The following TRIM72 variants were observed in gnomAD, a reference collection of about 807,000 sequenced individuals.
TRIM72 encodes tripartite motif containing 72, also known as tripartite motif-containing protein 72.
Under a neutral mutation model 31.6 loss-of-function variants are expected in TRIM72, and 33 were observed. The ratio of observed to expected loss-of-function variants is 1.04; its 90% CI spans 0.79 to 1.40. The LOEUF (loss-of-function observed/expected upper bound fraction) is 1.40, where lower values mean the gene tolerates loss of function less well. Among genes scored for constraint, TRIM72 ranks in the 40% most tolerant of loss-of-function variants. The pLI is 0.00. For missense variants in TRIM72, 666 were observed against 682.7 expected (o/e 0.98, Z 0.27); for synonymous variants, 301 against 314.4 (o/e 0.96, Z 0.45).
chr16:31,225,011 T>A lies in TRIM72; in HGVS notation c.*256T>A. Reference sequence around the variant, plus strand: ...TTCAAGACCAGCCTGGCCAACATGGTGAAACTCCTCTCTACTGAAAATACA... The same window carrying A: ...TTCAAGACCAGCCTGGCCAACATGGAGAAACTCCTCTCTACTGAAAATACA... On this transcript the variant is annotated 3_prime_UTR_variant, in exon 7 of 7. Coordinates refer to ENST00000322122, the MANE Select transcript of TRIM72 (RefSeq NM_001008274.4). 1 of 333,654 alleles carries A rather than the reference T, an allele frequency of 3.0e-6. No homozygotes were observed. Among genetic ancestry groups the A allele is most frequent in the Non-Finnish European group, 5.4e-6 (1 of 183,960 alleles). The allele number at this position is 333,654 out of a possible 1,614,324, so 20.7% of individuals were successfully genotyped here.
chr16:31,223,007 AC>A (rs1033923293), intron 6 of TRIM72, 62 bp downstream of exon 6: 2 of 1,347,134 alleles, frequency 1.5e-6, no homozygotes, highest in Non-Finnish European at 2.1e-6. Flanking sequence ...GGCCCTAGCC[AC>A]CCTGGAGAGG....
At chr16:31,217,968 C>A (rs535770225) in intron 2 of TRIM72, among the ~76,000 whole-genome samples, 1 of 152,290 alleles carries the variant, frequency 6.6e-6, no homozygotes, top group Admixed American at 6.5e-5. Context: ...CATGTGTGTA[C>A]AGGCAGGCTG....
At position 31,227,688 on chromosome 16, in the gene TRIM72, G is replaced by A. The variant is rs2079558884; in HGVS notation, c.*2933G>A. Reference sequence around the variant, plus strand: ...TCTGTCGCACAGGCTGGAGTGCAATGGTGTGATTGTGGCTCACTGCAGCCT... The same window carrying A: ...TCTGTCGCACAGGCTGGAGTGCAATAGTGTGATTGTGGCTCACTGCAGCCT... On this transcript the variant is annotated 3_prime_UTR_variant, in exon 7 of 7. Coordinates refer to ENST00000322122, the MANE Select transcript of TRIM72 (RefSeq NM_001008274.4). 2 of 152,178 alleles carry A rather than the reference G, an allele frequency of 1.3e-5. No homozygotes were observed. Among genetic ancestry groups the A allele is most frequent in the South Asian group, 4.1e-4 (2 of 4,858 alleles). 9.4% of individuals were successfully genotyped at this position (152,178 alleles called of 1,614,324 possible). A position where few individuals can be genotyped will look rare whatever the true frequency, so the allele number is the denominator to read the frequency against.
In TRIM72 at chr16:31,214,805, G is replaced by A. The variant is rs1412150352; in HGVS notation, c.67G>A (p.Ala23Thr). The A allele has an allele frequency of 3.8e-6, 6 of 1,577,984 alleles. No homozygotes were observed. The highest frequency in any genetic ancestry group is 4.7e-5 in the East Asian group (2 of 42,826). ...CCCGCTGTGCCTGCAGCTGTTCGACGCGCCCGTGACAGCCGAGTGCGGCCA... is the reference window on the plus strand; with the variant it reads ...CCCGCTGTGCCTGCAGCTGTTCGACACGCCCGTGACAGCCGAGTGCGGCCA... ...SCPLCLQLFD[A>T]PVTAECGHSF... Residue 23 changes from alanine (A) to threonine (T), a missense_variant, in exon 2 of 7, where the codon GCG (alanine) becomes ACG (threonine). Coordinates refer to ENST00000322122, the MANE Select transcript of TRIM72 (RefSeq NM_001008274.4).
In TRIM72 at chr16:31,216,634, G is replaced by A; in HGVS notation, c.390+1506G>A. 1 of 1,206,852 alleles carries A rather than the reference G, an allele frequency of 8.3e-7. No individual in the cohort carries two copies. Among genetic ancestry groups the A allele is most frequent in the Middle Eastern group, 3.0e-4 (1 of 3,386 alleles). 74.8% of individuals were successfully genotyped at this position (1,206,852 alleles called of 1,614,324 possible). A position where few individuals can be genotyped will look rare whatever the true frequency, so the allele number is the denominator to read the frequency against. On this transcript the variant is annotated intron_variant, in intron 2 of 6. Transcript: ENST00000322122. The surrounding 1 kb of genome is among the most constrained non-coding windows in gnomAD (Gnocchi z 6.7). ...CGGGAGGGGCTGGCCGGAGGTCTGA[G>A]GGAGGACCCCAGGAGGGACCCTGAA...
rs1215567314 is a variant in TRIM72, at chr16:31,224,647, C to G, written c.1326C>G (p.His442Gln). 6 of 1,547,604 alleles carry G rather than the reference C, an allele frequency of 3.9e-6. No individual in the cohort carries two copies. Among genetic ancestry groups the G allele is most frequent in the Non-Finnish European group, 1.7e-6 (2 of 1,153,194 alleles). The change falls in exon 7 of 7, where the codon CAC becomes CAG. Residue 442 changes from histidine to glutamine, a missense_variant. Transcript: ENST00000322122. The part of the protein sequence containing the change: ...ADALVPLFAF[H>Q]ERLPRPVYPF... The stretch of plus-strand genomic sequence containing the variant: ...CGCTCGTGCCGCTTTTTGCCTTCCA[C>G]GAGCGCCTGCCCAGGCCCGTGTACC...
rs1377087938 is a variant in TRIM72 at position 31,215,288 on chromosome 16, T to G, written c.390+160T>G. Among the ~76,000 whole-genome samples the G allele has an allele frequency of 1.3e-5, 2 of 151,460 alleles. No individual in the cohort carries two copies. The highest frequency in any genetic ancestry group is 2.0e-4 in the East Asian group (1 of 5,122). On this transcript the variant is annotated intron_variant, in intron 2 of 6. Coordinates refer to ENST00000322122, the MANE Select transcript of TRIM72 (RefSeq NM_001008274.4). This position sits in a 1 kb window ranked among gnomAD's most constrained non-coding sequence, Gnocchi z 6.3. ...GGGGCGAAGCAGCCAGGAAAGAGGGTCTGAGGAGCTTAAGGCGGGGCTGGC... is the reference window on the plus strand; with the variant it reads ...GGGGCGAAGCAGCCAGGAAAGAGGGGCTGAGGAGCTTAAGGCGGGGCTGGC...
chr16:31,224,394 C>T lies in TRIM72; in HGVS notation c.1073C>T (p.Ala358Val). ...EVDVGDKPRW[A>V]LGVIAAEAPR... ...GATGTTGGCGACAAGCCGCGCTGGG[C>T]GCTGGGCGTGATCGCGGCCGAGGCC... The change falls in exon 7 of 7, where the codon GCG becomes GTG. Residue 358 changes from alanine (A) to valine (V), a missense_variant. Ala to Val is a moderately conservative substitution (Grantham distance 64). Transcript: ENST00000322122. The T allele has an allele frequency of 6.9e-7, 1 of 1,459,852 alleles. No homozygotes were observed. Among genetic ancestry groups the T allele is most frequent in the Non-Finnish European group, 9.0e-7 (1 of 1,116,954 alleles). 90.4% of individuals were successfully genotyped at this position (1,459,852 alleles called of 1,614,324 possible).
At chr16:31,223,341 C>T (rs1401387212) in intron 6 of TRIM72, among the ~76,000 whole-genome samples, 1 of 152,256 alleles carries the variant, frequency 6.6e-6, no homozygotes, top group Non-Finnish European at 1.5e-5. Flanking sequence ...CAGAGAGTGA[C>T]TCTGGCGGCC....
Position 31,219,135 on chromosome 16 carries a change from G to T in TRIM72, c.431G>T (p.Cys144Phe), listed in dbSNP as rs748528190. 1 of 1,601,156 alleles carries T rather than the reference G, an allele frequency of 6.2e-7. No individual in the cohort carries two copies. The highest frequency in any genetic ancestry group is 1.1e-5 in the South Asian group (1 of 89,496). The change falls in exon 3 of 7, where the codon TGC becomes TTC. Residue 144 changes from cysteine (C) to phenylalanine (F), a missense_variant. Cys to Phe is a radical substitution (Grantham distance 205, BLOSUM62 -2). Coordinates refer to ENST00000322122, the MANE Select transcript of TRIM72 (RefSeq NM_001008274.4). The surrounding 1 kb of genome is among the most constrained non-coding windows in gnomAD (Gnocchi z 4.2). ...PQQKLQLQEA[C>F]MRKEKSVAVL... Reference sequence around the variant, plus strand: ...CAGAAACTGCAGCTGCAGGAGGCATGCATGCGCAAGGAGAAGAGTGTGGCT... The same window carrying T: ...CAGAAACTGCAGCTGCAGGAGGCATTCATGCGCAAGGAGAAGAGTGTGGCT...
rs1175186299 is a variant in TRIM72, at chr16:31,215,212, C to G, written c.390+84C>G. On this transcript the variant is annotated intron_variant, in intron 2 of 6. Transcript: ENST00000322122. The surrounding 1 kb of genome is among the most constrained non-coding windows in gnomAD (Gnocchi z 6.3). ...GGAGGTCGCTGCAGTGATTTGGATT[C>G]TGAGTCTCTAGAGAGGCTCACGAGC... The G allele has an allele frequency of 7.2e-7, 1 of 1,385,998 alleles. No homozygotes were observed. The highest frequency in any genetic ancestry group is 9.3e-7 in the Non-Finnish European group (1 of 1,074,364). The allele number at this position is 1,385,998 out of a possible 1,614,324, so 85.9% of individuals were successfully genotyped here. A position where few individuals can be genotyped will look rare whatever the true frequency, so the allele number is the denominator to read the frequency against.
At position 31,216,422 on chromosome 16, in the gene TRIM72, T is replaced by TAA. The variant is rs371713060; in HGVS notation, c.390+1303_390+1304dup. Reference sequence around the variant, plus strand: ...TCTTTGCAATAAATCTTGCTGCCGCTAAAAAAAAAACAAAAAACAAACAAA... The same window carrying TAA: ...TCTTTGCAATAAATCTTGCTGCCGCTAAAAAAAAAAAACAAAAAACAAACAAA... On this transcript the variant is annotated intron_variant, in intron 2 of 6. Transcript: ENST00000322122. This position sits in a 1 kb window ranked among gnomAD's most constrained non-coding sequence, Gnocchi z 6.7. The TAA allele has an allele frequency of 1.7e-3, 456 of 272,372 alleles. 2 individuals are homozygous for TAA. The highest frequency in any genetic ancestry group is 7.0e-3 in the African/African-American group (301 of 43,152). The allele number at this position is 272,372 out of a possible 1,614,324, so 16.9% of individuals were successfully genotyped here.
chr16:31,219,196 G>A lies in TRIM72; in HGVS notation c.486+6G>A, dbSNP rs756779284. ...ATCAGCTGGTGGAGGTGGAGGTGAG[G>A]ACTTCACAGGGCCATGTCTGAGGGC... On this transcript the variant is annotated splice_donor_region_variant and intron_variant, in intron 3 of 6. Coordinates refer to ENST00000322122, the MANE Select transcript of TRIM72 (RefSeq NM_001008274.4). This position sits in a 1 kb window ranked among gnomAD's most constrained non-coding sequence, Gnocchi z 4.2. 1.2e-6 allele frequency: 2 copies of A among 1,613,552 alleles called. No homozygotes were observed. The highest frequency in any genetic ancestry group is 2.7e-5 in the African/African-American group (2 of 75,022).
rs1484127971 is a variant in TRIM72 at position 31,216,758 on chromosome 16, C to T, written c.390+1630C>T. ...GATCACGTACCAGCTCAGAGTGGCCCTCACGCAGCCCGCTGCAGCCGTGCG... is the reference window on the plus strand; with the variant it reads ...GATCACGTACCAGCTCAGAGTGGCCTTCACGCAGCCCGCTGCAGCCGTGCG... On this transcript the variant is annotated intron_variant, in intron 2 of 6. Coordinates refer to ENST00000322122, the MANE Select transcript of TRIM72 (RefSeq NM_001008274.4). This position sits in a 1 kb window ranked among gnomAD's most constrained non-coding sequence, Gnocchi z 6.7. 1 of 1,598,712 alleles carries T rather than the reference C, an allele frequency of 6.3e-7. No homozygotes were observed. The highest frequency in any genetic ancestry group is 8.5e-7 in the Non-Finnish European group (1 of 1,169,614).
At chr16:31,223,072 C>G (rs4516243) in intron 6 of TRIM72, 127 bp downstream of exon 6, 9 of 725,476 alleles carry the variant, frequency 1.2e-5, no homozygotes, top group East Asian at 8.7e-5. Context: ...TGCCCCTTTG[C>G]CTCTGGACTG....
Position 31,225,583 on chromosome 16 carries a change from G to A in TRIM72, c.*828G>A, listed in dbSNP as rs186830525. On this transcript the variant is annotated 3_prime_UTR_variant, in exon 7 of 7. Transcript: ENST00000322122. ...GCCATGACTTGTTAAAGCATAGGGTGCTAAGTTTCTGATTTAGTAGGTTGG... is the reference window on the plus strand; with the variant it reads ...GCCATGACTTGTTAAAGCATAGGGTACTAAGTTTCTGATTTAGTAGGTTGG... 8.0e-5 allele frequency: 12 copies of A among 150,400 alleles called. 1 individual carries two copies. The highest frequency in any genetic ancestry group is 2.9e-4 in the African/African-American group (12 of 40,854). 9.3% of individuals were successfully genotyped at this position (150,400 alleles called of 1,614,324 possible).
chr16:31,216,994 A>T lies in TRIM72; in HGVS notation c.390+1866A>T, dbSNP rs747858063. ...GAGCTCCTCCGGTGTCAGGTTCTCC[A>T]GCACCTTCAGGATGGCCTCGCGCTT... On this transcript the variant is annotated intron_variant, in intron 2 of 6. Transcript: ENST00000322122. This position sits in a 1 kb window ranked among gnomAD's most constrained non-coding sequence, Gnocchi z 6.7. The T allele has an allele frequency of 5.0e-6, 8 of 1,613,852 alleles. No individual in the cohort carries two copies. In the African/African-American group the frequency reaches 1.1e-4, roughly 22 times the overall value.
At position 31,216,968 on chromosome 16, in the gene TRIM72, T is replaced by A; in HGVS notation, c.390+1840T>A. ...GTCCCCAGCTTCATCTTGAACTTCT[T>A]GAGCTCCTCCGGTGTCAGGTTCTCC... On this transcript the variant is annotated intron_variant, in intron 2 of 6. Transcript: ENST00000322122. The surrounding 1 kb of genome is among the most constrained non-coding windows in gnomAD (Gnocchi z 6.7). 6.2e-7 allele frequency: 1 copy of A among 1,614,130 alleles called. No homozygotes were observed. Among genetic ancestry groups the A allele is most frequent in the South Asian group, 1.1e-5 (1 of 91,088 alleles).
Position 31,215,202 on chromosome 16 carries a change from G to A in TRIM72, c.390+74G>A. 7.2e-7 allele frequency: 1 copy of A among 1,382,554 alleles called. No individual in the cohort carries two copies. Among genetic ancestry groups the A allele is most frequent in the African/African-American group, 1.5e-5 (1 of 66,010 alleles). 85.6% of individuals were successfully genotyped at this position (1,382,554 alleles called of 1,614,324 possible). The stretch of plus-strand genomic sequence containing the variant: ...GGGCCGATGGGGAGGTCGCTGCAGT[G>A]ATTTGGATTCTGAGTCTCTAGAGAG... On this transcript the variant is annotated intron_variant, in intron 2 of 6. Coordinates refer to ENST00000322122, the MANE Select transcript of TRIM72 (RefSeq NM_001008274.4). The surrounding 1 kb of genome is among the most constrained non-coding windows in gnomAD (Gnocchi z 6.3).
Sources: allele counts gnomAD v4.1 joint callset (sites outside exome capture counted in the v4.1 genomes callset), GRCh38; gene constraint gnomAD v4.1.1; non-coding constraint Gnocchi (gnomAD v3.1); transcripts MANE v1.5; gene names NCBI Gene and HGNC (gene_info 2026-07-23, HGNC 2026-07-21).